Variants in GRID2 observed in about 807,000 individuals in gnomAD.
GRID2 encodes the protein glutamate ionotropic receptor delta type subunit 2, also known as glutamate receptor ionotropic, delta-2.
Under a neutral mutation model 114.8 loss-of-function variants are expected in GRID2, and 33 were observed. The ratio of observed to expected loss-of-function variants is 0.29; its 90% CI spans 0.22 to 0.38. The LOEUF is 0.38. GRID2 is among the 10% of genes least tolerant of loss of function. The pLI is 1.00. For missense variants in GRID2, 1,184 were observed against 1,257.7 expected, an observed-to-expected ratio of 0.94 and a Z score of 0.89; for synonymous variants, 505 against 449.9, an observed-to-expected ratio of 1.12 and a Z score of -1.55.
rs11428288 is a variant in GRID2 at position 93,178,380 on chromosome 4, ATTTTTTTTTTT to A, written c.736-29004_736-28994del. 6.6e-3 allele frequency among the ~76,000 whole-genome samples: 333 copies of A among 50,362 alleles called. 5 individuals are homozygous for A. Among genetic ancestry groups the A allele is most frequent in the African/African-American group, 0.024 (307 of 12,598 alleles). The allele number at this position is 50,362 out of a possible 152,430, so 33.0% of individuals were successfully genotyped here. A position where few individuals can be genotyped will look rare whatever the true frequency, so the allele number is the denominator to read the frequency against. Reference sequence around the variant, plus strand: ...CTTATATTGTTTTCCTTGAAAATAGATTTTTTTTTTTTTTTTTTTTTTTTTTTTTTCCAGAG... The same window carrying A: ...CTTATATTGTTTTCCTTGAAAATAGATTTTTTTTTTTTTTTTTTTCCAGAG... On this transcript the variant is annotated intron_variant, in intron 4 of 15. Coordinates refer to ENST00000282020, the MANE Select transcript of GRID2 (RefSeq NM_001510.4).
At chr4:92,371,058 A>G (rs1729094632) in intron 1 of GRID2, among the ~76,000 whole-genome samples, 1 of 152,296 alleles carries the variant, frequency 6.6e-6, no homozygotes, top group African/African-American at 2.4e-5. Flanking sequence ...ATCCAAATAA[A>G]AGACCTAAAT....
At chr4:93,046,415 T>A (rs959994887) in intron 2 of GRID2, among the ~76,000 whole-genome samples, 2 of 152,078 alleles carry the variant, frequency 1.3e-5, no homozygotes, top group African/African-American at 4.8e-5. Context: ...TAGTGTAAGA[T>A]TTCAAGATAA....
chr4:92,574,305 T>G (rs1727777664), intron 1 of GRID2, among the ~76,000 whole-genome samples: 1 of 152,140 alleles, frequency 6.6e-6, no homozygotes, highest in Admixed American at 6.5e-5. Context: ...TTAAGATTAG[T>G]ATTTTTATGT....
chr4:93,088,274 C>G (rs1199454974), intron 3 of GRID2, among the ~76,000 whole-genome samples: 1 of 151,996 alleles, frequency 6.6e-6, no homozygotes, highest in African/African-American at 2.4e-5. Flanking sequence ...TGGATTGATT[C>G]AAGACACATT....
chr4:93,763,298 A>G (rs1733368385), intron 14 of GRID2, among the ~76,000 whole-genome samples: 1 of 152,176 alleles, frequency 6.6e-6, no homozygotes, highest in East Asian at 1.9e-4. Context: ...AGCTAGAGAC[A>G]TGTTAAATTA....
intron 2 of GRID2, among the ~76,000 whole-genome samples, chr4:92,658,125 TTACTA>T (rs1732337888): frequency 6.6e-6 from 1 of 151,786 alleles, no homozygotes; most frequent in Non-Finnish European, 1.5e-5. Context: ...TAAATATACT[TTACTA>T]TGGTAAAAAA....
intron 1 of GRID2, among the ~76,000 whole-genome samples, chr4:92,365,655 T>C (rs1206258423): frequency 2.0e-5 from 3 of 152,052 alleles, no homozygotes; most frequent in African/African-American, 7.2e-5. Flanking sequence ...ATTTCAAACG[T>C]CTTACCACAG....
At chr4:93,003,029 T>C (rs1186490910) in intron 2 of GRID2, among the ~76,000 whole-genome samples, 1 of 151,902 alleles carries the variant, frequency 6.6e-6, no homozygotes, top group African/African-American at 2.4e-5. Flanking sequence ...ACACTTGTGA[T>C]TACATTTTGG....
intron 1 of GRID2, among the ~76,000 whole-genome samples, chr4:92,540,335 A>C (rs1725871021): frequency 6.6e-6 from 1 of 152,198 alleles, no homozygotes; most frequent in African/African-American, 2.4e-5. Flanking sequence ...ACAGCAAAAG[A>C]AACTACCATC....
intron 2 of GRID2, among the ~76,000 whole-genome samples, chr4:92,849,841 C>A (rs1247014270): frequency 6.6e-6 from 1 of 151,530 alleles, no homozygotes. Flanking sequence ...TTCCTTGTTT[C>A]ATTGCTATGA....
rs184090411 is a variant in GRID2 at position 93,007,166 on chromosome 4, A to G, written c.245-77829A>G. ...CTAATGAGTATTTTATAAATGGCAT[A>G]TAAGTGCCACTGGGGAAGGAAATGA... On this transcript the variant is annotated intron_variant, in intron 2 of 15. Transcript: ENST00000282020. Among the ~76,000 whole-genome samples, 19 of 152,206 alleles carry G rather than the reference A, an allele frequency of 1.2e-4. No homozygotes were observed. In the East Asian group the frequency reaches 3.1e-3, roughly 25 times the overall value.
intron 2 of GRID2, among the ~76,000 whole-genome samples, chr4:93,058,499 T>C (rs1000241704): frequency 6.6e-6 from 1 of 152,010 alleles, no homozygotes; most frequent in Non-Finnish European, 1.5e-5. Flanking sequence ...TAAGAGGCAA[T>C]GAGTTTGCCA....
At chr4:92,544,730 C>T (rs948547943) in intron 1 of GRID2, among the ~76,000 whole-genome samples, 10 of 152,098 alleles carry the variant, frequency 6.6e-5, no homozygotes, top group Non-Finnish European at 1.2e-4. Context: ...TATCTATTTT[C>T]CATTAACTTT....
chr4:93,653,813 G>C (rs61625893), intron 14 of GRID2, among the ~76,000 whole-genome samples: 4 of 152,074 alleles, frequency 2.6e-5, no homozygotes, highest in Non-Finnish European at 5.9e-5. Context: ...CATAGTCAGC[G>C]TGTCTGATTT....
chr4:92,366,822 TAAATG>T (rs1191552250), intron 1 of GRID2, among the ~76,000 whole-genome samples: 5 of 151,790 alleles, frequency 3.3e-5, no homozygotes, highest in African/African-American at 1.2e-4. Flanking sequence ...CAATGATAAA[TAAATG>T]GGGGCATATC....
chr4:93,167,303 A>G (rs1738346900), intron 4 of GRID2, among the ~76,000 whole-genome samples: 1 of 152,144 alleles, frequency 6.6e-6, no homozygotes, highest in African/African-American at 2.4e-5. Flanking sequence ...AGTTATATTG[A>G]TACAGATCTG....
chr4:93,035,830 C>G (rs1237455117), intron 2 of GRID2, among the ~76,000 whole-genome samples: 1 of 152,134 alleles, frequency 6.6e-6, no homozygotes, highest in Admixed American at 6.5e-5. Context: ...GACTCTTTAA[C>G]CTAATCTCAG....
Position 92,304,564 on chromosome 4 carries a change from T to G in GRID2, c.-93T>G. ...TTTAGAAAAAAAGAAAAAGCTGCGCTAAACTCCACCGTGACCTCAAACTCT... is the reference window on the plus strand; with the variant it reads ...TTTAGAAAAAAAGAAAAAGCTGCGCGAAACTCCACCGTGACCTCAAACTCT... On this transcript the variant is annotated 5_prime_UTR_variant, in exon 1 of 16. Coordinates refer to ENST00000282020, the MANE Select transcript of GRID2 (RefSeq NM_001510.4). 1.2e-6 allele frequency: 1 copy of G among 816,750 alleles called. No individual in the cohort carries two copies. The highest frequency in any genetic ancestry group is 2.4e-5 in the East Asian group (1 of 40,898). The allele number at this position is 816,750 out of a possible 1,614,324, so 50.6% of individuals were successfully genotyped here. A position where few individuals can be genotyped will look rare whatever the true frequency, so the allele number is the denominator to read the frequency against.
At chr4:92,782,165 G>A (rs897088995) in intron 2 of GRID2, among the ~76,000 whole-genome samples, 1 of 151,854 alleles carries the variant, frequency 6.6e-6, no homozygotes. Context: ...GTCCTCAAAG[G>A]GCTGACAGTA....
Sources: allele counts gnomAD v4.1 joint callset (sites outside exome capture counted in the v4.1 genomes callset), GRCh38; gene constraint gnomAD v4.1.1; transcripts MANE v1.5; gene names NCBI Gene and HGNC (gene_info 2026-07-23, HGNC 2026-07-21).